PSD3: variants seen among roughly 807,000 people sequenced by gnomAD.
PSD3 encodes PH and SEC7 domain-containing protein 3.
PSD3 carries 49 observed loss-of-function variants against 105.5 expected under a neutral mutation model. The ratio of observed to expected loss-of-function variants is 0.46; its 90% CI spans 0.37 to 0.59. The LOEUF (loss-of-function observed/expected upper bound fraction) is 0.59, where lower values mean the gene tolerates loss of function less well. Ranked by LOEUF, PSD3 falls within the 20% of genes least tolerant of loss-of-function variation. The pLI is 0.00. For synonymous variants in PSD3, 557 were observed against 457.8 expected, an observed-to-expected ratio of 1.22 and a Z score of -2.77; for missense variants, 1,561 against 1,263.8, an observed-to-expected ratio of 1.24 and a Z score of -3.57.
At chr8:18,817,074 C>A (rs531038457) in intron 4 of PSD3, among the ~76,000 whole-genome samples, 2 of 152,236 alleles carry the variant, frequency 1.3e-5, no homozygotes, top group East Asian at 3.9e-4. Context: ...CCCAGAGGAG[C>A]CTCCATGGCT....
chr8:18,566,207 A>C (rs1318305978), intron 14 of PSD3, among the ~76,000 whole-genome samples: 1 of 152,186 alleles, frequency 6.6e-6, no homozygotes, highest in East Asian at 1.9e-4. Flanking sequence ...ATGACTCGGC[A>C]AAGAAATAAT....
chr8:18,963,499 A>C (rs1251467282), intron 1 of PSD3, among the ~76,000 whole-genome samples: 6 of 152,172 alleles, frequency 3.9e-5, no homozygotes, highest in African/African-American at 9.7e-5. Flanking sequence ...TCGCCAACTA[A>C]ATTGCAAAGC....
chr8:18,605,195 G>A (rs953913397), intron 11 of PSD3, among the ~76,000 whole-genome samples: 2 of 152,158 alleles, frequency 1.3e-5, no homozygotes, highest in African/African-American at 2.4e-5. Context: ...TCCCATGAGC[G>A]CAGCTGCAGG....
chr8:18,857,675 C>T (rs574002148), intron 4 of PSD3, among the ~76,000 whole-genome samples: 7 of 152,146 alleles, frequency 4.6e-5, no homozygotes, highest in Admixed American at 1.3e-4. Context: ...CAAACTTCCA[C>T]GTGAATGTAA....
At chr8:18,770,800 C>A (rs1321349316) in intron 8 of PSD3, among the ~76,000 whole-genome samples, 1 of 152,208 alleles carries the variant, frequency 6.6e-6, no homozygotes, top group Non-Finnish European at 1.5e-5. Context: ...CTGCCTTCTG[C>A]CAGCAAGGGC....
rs1803819874 is a variant in PSD3, at chr8:18,732,319, A to C, written c.2172+33130T>G. ...GACACACCGTAAACAGATATGAGAA[A>C]AGAAGGAAGATTAGGAAGCTACAAA... is the stretch of plus-strand genomic sequence containing the variant. On this transcript the variant is annotated intron_variant, in intron 9 of 15. Coordinates refer to ENST00000327040, the MANE Select transcript of PSD3 (RefSeq NM_015310.4). 1.3e-5 allele frequency among the ~76,000 whole-genome samples: 2 copies of C among 152,240 alleles called. 1 individual carries two copies. Among genetic ancestry groups the C allele is most frequent in the South Asian group, 4.1e-4 (2 of 4,832 alleles).
chr8:19,018,901 GTTC>G (rs1160430869), intron 1 of PSD3, among the ~76,000 whole-genome samples: 4 of 152,198 alleles, frequency 2.6e-5, no homozygotes, highest in African/African-American at 9.6e-5. Context: ...TGTTCAAGCA[GTTC>G]TTCTGCCTCA....
intron 1 of PSD3, among the ~76,000 whole-genome samples, chr8:19,042,957 C>T (rs906451584): frequency 1.8e-4 from 27 of 152,274 alleles, no homozygotes; most frequent in East Asian, 1.2e-3. Context: ...GCCAACAATA[C>T]GAATAGGCTG....
Position 18,529,540 on chromosome 8 carries a change from G to A in PSD3, c.*6203C>T, listed in dbSNP as rs1440961780. 6.6e-6 allele frequency: 1 copy of A among 152,510 alleles called. No individual in the cohort carries two copies. Among genetic ancestry groups the A allele is most frequent in the African/African-American group, 2.4e-5 (1 of 41,430 alleles). 9.4% of individuals were successfully genotyped at this position (152,510 alleles called of 1,614,324 possible). ...GGAGGAGAGGACTAACCACATGCAT[G>A]GTTACCCTAAATGGAAAGCAACCAC... On this transcript the variant is annotated 3_prime_UTR_variant, in exon 16 of 16. Coordinates refer to ENST00000327040, the MANE Select transcript of PSD3 (RefSeq NM_015310.4).
At chr8:19,038,086 G>A (rs1205935372) in intron 1 of PSD3, among the ~76,000 whole-genome samples, 1 of 151,796 alleles carries the variant, frequency 6.6e-6, no homozygotes, top group African/African-American at 2.4e-5. Context: ...TCTATCCTTA[G>A]CCCTGTGCAG....
chr8:18,722,146 G>C (rs1563199238), intron 9 of PSD3, among the ~76,000 whole-genome samples: 1 of 151,280 alleles, frequency 6.6e-6, no homozygotes, highest in Non-Finnish European at 1.5e-5. Context: ...AGATCGGTGG[G>C]TGGACGATCA....
chr8:18,830,946 T>C (rs1275759958), intron 4 of PSD3, among the ~76,000 whole-genome samples: 1 of 152,202 alleles, frequency 6.6e-6, no homozygotes, highest in Non-Finnish European at 1.5e-5. Flanking sequence ...CCATTCATTC[T>C]AGGAGGCAAC....
At chr8:18,702,143 C>T (rs1347414432) in intron 9 of PSD3, among the ~76,000 whole-genome samples, 1 of 152,198 alleles carries the variant, frequency 6.6e-6, no homozygotes, top group Non-Finnish European at 1.5e-5. Flanking sequence ...AATAACTTGT[C>T]CATCTGTAGA....
intron 9 of PSD3, among the ~76,000 whole-genome samples, chr8:18,683,500 A>G (rs912510435): frequency 5.9e-5 from 9 of 152,330 alleles, no homozygotes; most frequent in African/African-American, 2.2e-4. Flanking sequence ...GTGCCAAACA[A>G]CAGTTTCCCA....
At chr8:18,757,588 T>C (rs1224743244) in intron 9 of PSD3, among the ~76,000 whole-genome samples, 2 of 152,224 alleles carry the variant, frequency 1.3e-5, no homozygotes, top group African/African-American at 2.4e-5. Context: ...CAGCAGAATC[T>C]CTAATAGGAA....
At chr8:18,546,619 C>T (rs998579796) in intron 15 of PSD3, among the ~76,000 whole-genome samples, 1 of 152,116 alleles carries the variant, frequency 6.6e-6, no homozygotes, top group Non-Finnish European at 1.5e-5. Flanking sequence ...CCTGTTTCAT[C>T]TATTTATTCA....
chr8:18,574,645 G>C (rs990066817), intron 13 of PSD3, among the ~76,000 whole-genome samples: 3 of 152,128 alleles, frequency 2.0e-5, no homozygotes, highest in Admixed American at 2.0e-4. Context: ...TTATTGAACA[G>C]TTCCTATGTG....
rs533517282 is a variant in PSD3 at position 18,718,884 on chromosome 8, C to G, written c.2172+46565G>C. 7.9e-5 allele frequency among the ~76,000 whole-genome samples: 12 copies of G among 152,180 alleles called. No homozygotes were observed. The South Asian group carries it at 1.2e-3, about 16-fold the overall frequency. The stretch of plus-strand genomic sequence containing the variant: ...TACAAAAAGGAGGCAATGGGGAGAG[C>G]AGAGTTCAGCACAAAAGCCAAGACA... On this transcript the variant is annotated intron_variant, in intron 9 of 15. Coordinates refer to ENST00000327040, the MANE Select transcript of PSD3 (RefSeq NM_015310.4).
chr8:19,074,297 T>C (rs1342553442), intron 1 of PSD3, among the ~76,000 whole-genome samples: 1 of 152,000 alleles, frequency 6.6e-6, no homozygotes, highest in Non-Finnish European at 1.5e-5. Flanking sequence ...GGTGGCCTTA[T>C]TCAGTTGCCA....
Sources: gnomAD v4.1 joint callset for allele counts (sites outside exome capture counted in the v4.1 genomes callset) on GRCh38, gnomAD v4.1.1 for gene constraint, MANE v1.5 for transcripts, NCBI Gene and HGNC (gene_info 2026-07-23, HGNC 2026-07-21) for gene names.